The following SLC8A3 variants were observed in gnomAD, a reference collection of about 807,000 sequenced individuals.
SLC8A3 encodes solute carrier family 8 member A3.
SLC8A3 carries 37 observed loss-of-function variants against 65.4 expected under a neutral mutation model. The ratio of observed to expected loss-of-function variants is 0.57; its 90% CI spans 0.44 to 0.74. The LOEUF (loss-of-function observed/expected upper bound fraction) is 0.74, where lower values mean the gene tolerates loss of function less well. SLC8A3 is among the 30% of genes least tolerant of loss of function. The pLI is 0.00. For synonymous variants in SLC8A3, 461 were observed against 444.5 expected (o/e 1.04, Z -0.47); for missense variants, 1,112 against 1,172.1 (o/e 0.95, Z 0.75).
At chr14:70,072,057 T>C (rs1472291374) in intron 2 of SLC8A3, among the ~76,000 whole-genome samples, 2 of 152,140 alleles carry the variant, frequency 1.3e-5, no homozygotes, top group African/African-American at 4.8e-5. Flanking sequence ...AGGGAAAGTG[T>C]AGGAACATTT....
chr14:70,159,941 C>G (rs1381242222), intron 2 of SLC8A3, among the ~76,000 whole-genome samples: 1 of 152,148 alleles, frequency 6.6e-6, no homozygotes, highest in Non-Finnish European at 1.5e-5. Flanking sequence ...TTTTCTCATA[C>G]TATCAGCCCT....
chr14:70,142,696 G>C (rs1017140604), intron 2 of SLC8A3, among the ~76,000 whole-genome samples: 6 of 152,198 alleles, frequency 3.9e-5, no homozygotes, highest in African/African-American at 9.6e-5. Context: ...CTCCTCTCCA[G>C]GAGACCTAAC....
intron 2 of SLC8A3, among the ~76,000 whole-genome samples, chr14:70,104,706 A>G (rs1210134954): frequency 6.6e-6 from 1 of 152,206 alleles, no homozygotes; most frequent in African/African-American, 2.4e-5. Flanking sequence ...TAAACAGCCT[A>G]TGGGCCAAAG....
intron 2 of SLC8A3, among the ~76,000 whole-genome samples, chr14:70,158,013 A>C (rs1030977398): frequency 2.0e-5 from 3 of 152,234 alleles, no homozygotes; most frequent in Non-Finnish European, 2.9e-5. Flanking sequence ...GGAAAAGACT[A>C]TCTGGAGTAG....
In SLC8A3 at chr14:70,188,524, G is replaced by T. The variant is rs1883543087; in HGVS notation, c.-208C>A. ...CCGGCCGCAGCCGCGTCCGGGGCAT[G>T]TCAGTCCGCCGCCGCCGCCCTCCCG... On this transcript the variant is annotated 5_prime_UTR_variant, in exon 1 of 7. Coordinates refer to ENST00000356921, the MANE Select transcript of SLC8A3 (RefSeq NM_182932.3). 2 of 152,086 alleles carry T rather than the reference G, an allele frequency of 1.3e-5. No individual in the cohort carries two copies. Among genetic ancestry groups the T allele is most frequent in the African/African-American group, 4.8e-5 (2 of 41,436 alleles). 9.4% of individuals were successfully genotyped at this position (152,086 alleles called of 1,614,324 possible). A position where few individuals can be genotyped will look rare whatever the true frequency, so the allele number is the denominator to read the frequency against.
chr14:70,058,561 G>A (rs745904698), intron 3 of SLC8A3, among the ~76,000 whole-genome samples: 10 of 152,284 alleles, frequency 6.6e-5, no homozygotes, highest in Non-Finnish European at 1.2e-4. Context: ...CTCCCTCCAC[G>A]AGGGCATTGC....
chr14:70,080,005 A>T (rs752810218), intron 2 of SLC8A3: 7 of 763,830 alleles, frequency 9.2e-6, no homozygotes, highest in Non-Finnish European at 1.1e-5. Flanking sequence ...CCTGGAGATG[A>T]TAACATTCAC....
intron 2 of SLC8A3, among the ~76,000 whole-genome samples, chr14:70,166,376 G>C (rs1897160968): frequency 6.6e-6 from 1 of 152,210 alleles, no homozygotes; most frequent in South Asian, 2.1e-4. Flanking sequence ...ATCATTTTGT[G>C]TTTCAGAGAA....
At chr14:70,154,873 T>C (rs1218786348) in intron 2 of SLC8A3, among the ~76,000 whole-genome samples, 1 of 151,936 alleles carries the variant, frequency 6.6e-6, no homozygotes, top group African/African-American at 2.4e-5. Context: ...AGTGTAATGA[T>C]CAAATCAGGG....
intron 2 of SLC8A3, among the ~76,000 whole-genome samples, chr14:70,148,411 G>C (rs980708841): frequency 3.8e-4 from 58 of 152,270 alleles, no homozygotes; most frequent in South Asian, 8.3e-4. Context: ...GCATGGGAGA[G>C]GGTTGGCAGA....
At chr14:70,142,428 C>T (rs758718238) in intron 2 of SLC8A3, among the ~76,000 whole-genome samples, 2 of 152,162 alleles carry the variant, frequency 1.3e-5, no homozygotes, top group South Asian at 2.1e-4. Flanking sequence ...TAAGATACAA[C>T]GTCCATACAA....
At position 70,129,333 on chromosome 14, in the gene SLC8A3, A is replaced by G. The variant is rs1894676466; in HGVS notation, c.1784+37306T>C. The stretch of plus-strand genomic sequence containing the variant: ...GACACAGGGTGAAGGAGGGCTAAAT[A>G]ACTCTGAGAAAACTTGCCCTCGAAG... On this transcript the variant is annotated intron_variant, in intron 2 of 6. Transcript: ENST00000356921. Among the ~76,000 whole-genome samples the G allele has an allele frequency of 2.6e-5, 4 of 152,300 alleles. No individual in the cohort carries two copies. The South Asian group carries it at 8.3e-4, about 32-fold the overall frequency.
In SLC8A3 at chr14:70,173,510, C is replaced by T. The variant is rs17107923; in HGVS notation, c.-62-5026G>A. Among the ~76,000 whole-genome samples the T allele has an allele frequency of 7.0e-3, 1,062 of 152,292 alleles. 9 individuals carry two copies. The highest frequency in any genetic ancestry group is 0.021 in the African/African-American group (860 of 41,564). ...AATTTAATTAAAGTCACCGTTCCTC[C>T]GCTCTTCCAGATCATTAATAAAACA... On this transcript the variant is annotated intron_variant, in intron 1 of 6. Coordinates refer to ENST00000356921, the MANE Select transcript of SLC8A3 (RefSeq NM_182932.3).
At chr14:70,166,403 C>T (rs1394745278) in intron 2 of SLC8A3, among the ~76,000 whole-genome samples, 1 of 152,156 alleles carries the variant, frequency 6.6e-6, no homozygotes, top group African/African-American at 2.4e-5. Context: ...GTTTTGTGTC[C>T]TTAGCTCTTG....
chr14:70,064,529 G>A (rs1412740987), intron 2 of SLC8A3, among the ~76,000 whole-genome samples: 1 of 151,818 alleles, frequency 6.6e-6, no homozygotes, highest in African/African-American at 2.4e-5. Flanking sequence ...GCCGGCGGGA[G>A]GGTTGGGTCG....
At chr14:70,088,216 G>A (rs760970271) in intron 2 of SLC8A3, among the ~76,000 whole-genome samples, 12 of 152,172 alleles carry the variant, frequency 7.9e-5, no homozygotes, top group Non-Finnish European at 1.3e-4. Context: ...AGGTTGTGGG[G>A]GCAAGTAATG....
At chr14:70,153,798 A>G (rs78579729) in intron 2 of SLC8A3, among the ~76,000 whole-genome samples, 1 of 152,136 alleles carries the variant, frequency 6.6e-6, no homozygotes, top group Admixed American at 6.5e-5. Flanking sequence ...TCCTGCTCTC[A>G]TCTCATCACT....
intron 2 of SLC8A3, among the ~76,000 whole-genome samples, chr14:70,166,032 C>T (rs1373828802): frequency 6.6e-6 from 1 of 152,196 alleles, no homozygotes; most frequent in Admixed American, 6.5e-5. Context: ...AGCCTCACAC[C>T]ATTAAATAGT....
upstream of SLC8A3, chr14:70,189,122 T>C (rs1883606538): frequency 6.6e-6 from 1 of 152,146 alleles, no homozygotes; most frequent in Non-Finnish European, 1.5e-5. Flanking sequence ...GGGGAGACTC[T>C]CAGAACGCTC....
Sources: gnomAD v4.1 joint callset for allele counts (sites outside exome capture counted in the v4.1 genomes callset) on GRCh38, gnomAD v4.1.1 for gene constraint, MANE v1.5 for transcripts, NCBI Gene and HGNC (gene_info 2026-07-23, HGNC 2026-07-21) for gene names.